Variants in THSD7B observed in about 807,000 individuals in gnomAD.
The protein encoded by THSD7B is thrombospondin type 1 domain containing 7B, also known as thrombospondin type-1 domain-containing protein 7B.
In THSD7B, 138 loss-of-function variants were observed where a neutral mutation model predicts 213.6. The observed-to-expected ratio is 0.65, with a 90% confidence interval of 0.56 to 0.74. The LOEUF is 0.74. Among genes scored for constraint, THSD7B ranks in the 30% least tolerant of loss-of-function variants. THSD7B has a pLI of 0.00. For synonymous variants in THSD7B, 742 were observed against 687.0 expected (o/e 1.08, Z -1.25); for missense variants, 1,931 against 1,991.5 (o/e 0.97, Z 0.58).
chr2:137,067,911 C>A (rs777810463), intron 3 of THSD7B, among the ~76,000 whole-genome samples: 1 of 152,040 alleles, frequency 6.6e-6, no homozygotes, highest in Non-Finnish European at 1.5e-5. Context: ...GGTATACTCA[C>A]AAAAGTATAG....
At chr2:137,225,170 C>A (rs987526098) in intron 7 of THSD7B, among the ~76,000 whole-genome samples, 1 of 152,168 alleles carries the variant, frequency 6.6e-6, no homozygotes, top group Non-Finnish European at 1.5e-5. Flanking sequence ...TTTGCTGAAT[C>A]TCCCTACTTG....
At chr2:137,463,311 A>G (rs999177001) in intron 15 of THSD7B, among the ~76,000 whole-genome samples, 2 of 152,252 alleles carry the variant, frequency 1.3e-5, no homozygotes, top group South Asian at 4.1e-4. Context: ...AATTGGTCCA[A>G]AATTTTATAT....
At chr2:137,477,278 C>G (rs1190106189) in intron 15 of THSD7B, among the ~76,000 whole-genome samples, 1 of 152,058 alleles carries the variant, frequency 6.6e-6, no homozygotes, top group African/African-American at 2.4e-5. Flanking sequence ...TTTCTTTCTT[C>G]TTACTGGTTT....
intron 12 of THSD7B, among the ~76,000 whole-genome samples, chr2:137,347,260 T>A (rs1573974579): frequency 1.3e-5 from 2 of 151,842 alleles, no homozygotes; most frequent in African/African-American, 4.8e-5. Flanking sequence ...GAGATGAAGG[T>A]TGATATAGAC....
intron 2 of THSD7B, among the ~76,000 whole-genome samples, chr2:136,988,498 G>T (rs1685707092): frequency 6.6e-6 from 1 of 152,168 alleles, no homozygotes; most frequent in Admixed American, 6.5e-5. Flanking sequence ...GTGATCTTGG[G>T]TGATCTTACT....
intron 2 of THSD7B, among the ~76,000 whole-genome samples, chr2:136,912,327 A>AAG (rs1287290018): frequency 7.2e-6 from 1 of 139,150 alleles, no homozygotes; most frequent in Non-Finnish European, 1.6e-5. Context: ...ATCTCAAAAA[A>AAG]AAAAAAAAAA....
intron 1 of THSD7B, among the ~76,000 whole-genome samples, chr2:136,819,628 C>G (rs1382655267): frequency 6.6e-6 from 1 of 152,126 alleles, no homozygotes; most frequent in Non-Finnish European, 1.5e-5. Flanking sequence ...TCTGAGCCAC[C>G]ACCTGGAGGA....
intron 1 of THSD7B, among the ~76,000 whole-genome samples, chr2:136,808,568 T>C (rs969097223): frequency 1.1e-4 from 16 of 152,204 alleles, no homozygotes; most frequent in Middle Eastern, 3.2e-3. Context: ...GTGGGACATA[T>C]GTTTTCAATC....
In THSD7B at chr2:137,554,174, C is replaced by T. The variant is rs186754980; in HGVS notation, c.3139-9047C>T. On this transcript the variant is annotated intron_variant, in intron 15 of 27. Transcript: ENST00000409968. ...TCATCCTTTGTGCTTTCTAAAATAT[C>T]CCTTACTCATTTCATGGAGTGGGAC... Among the ~76,000 whole-genome samples the T allele has an allele frequency of 1.1e-3, 165 of 152,164 alleles. 1 individual carries two copies. The highest frequency in any genetic ancestry group is 3.9e-3 in the African/African-American group (161 of 41,508).
intron 12 of THSD7B, among the ~76,000 whole-genome samples, chr2:137,393,685 A>T (rs1192849352): frequency 2.1e-5 from 3 of 141,558 alleles, no homozygotes; most frequent in Non-Finnish European, 4.7e-5. Context: ...CAGTAATGGG[A>T]TGGCTGGGTC....
At chr2:137,360,927 A>G (rs762701031) in intron 12 of THSD7B, among the ~76,000 whole-genome samples, 37 of 152,198 alleles carry the variant, frequency 2.4e-4, no homozygotes, top group Non-Finnish European at 4.9e-4. Flanking sequence ...AGCCCTGTGT[A>G]GCTTAACTTG....
At chr2:137,575,216 A>G (rs1326110788) in intron 17 of THSD7B, among the ~76,000 whole-genome samples, 2 of 152,066 alleles carry the variant, frequency 1.3e-5, no homozygotes, top group African/African-American at 2.4e-5. Context: ...TATAATATGT[A>G]TAAAATAAAT....
At chr2:137,033,197 T>G (rs929474561) in intron 2 of THSD7B, among the ~76,000 whole-genome samples, 4 of 152,240 alleles carry the variant, frequency 2.6e-5, no homozygotes, top group Non-Finnish European at 4.4e-5. Context: ...CTGCTGATAC[T>G]GGCTAGACCT....
Position 137,481,394 on chromosome 2 carries a change from T to C in THSD7B, c.3138+30371T>C, listed in dbSNP as rs887752028. On this transcript the variant is annotated intron_variant, in intron 15 of 27. Coordinates refer to ENST00000409968, the MANE Select transcript of THSD7B (RefSeq NM_001316349.2). ...CAGTTGTAAAATTCTGTCTGGGCATTAGATAAGGTTATTAGTTAGACACTT... is the reference window on the plus strand; with the variant it reads ...CAGTTGTAAAATTCTGTCTGGGCATCAGATAAGGTTATTAGTTAGACACTT... Among the ~76,000 whole-genome samples the C allele has an allele frequency of 4.6e-5, 7 of 152,364 alleles. No individual in the cohort carries two copies. The East Asian group carries it at 1.3e-3, about 29-fold the overall frequency.
rs1558842425 is a variant in THSD7B at position 137,567,170 on chromosome 2, ATTTTATTTT to A, written c.3272+3817_3272+3825del. On this transcript the variant is annotated intron_variant, in intron 16 of 27. Transcript: ENST00000409968. ...ATTTTATTTTATTTTATTTTATTTT[ATTTTATTTT>A]ATTTTTTGAGACTGAGTCTTGATCT... Among the ~76,000 whole-genome samples the A allele has an allele frequency of 3.3e-5, 5 of 150,542 alleles. No homozygotes were observed. The East Asian group carries it at 9.7e-4, about 29-fold the overall frequency.
intron 17 of THSD7B, among the ~76,000 whole-genome samples, chr2:137,608,368 T>C (rs1682226848): frequency 6.6e-6 from 1 of 152,166 alleles, no homozygotes; most frequent in Admixed American, 6.5e-5. Flanking sequence ...TGGTGCTTTT[T>C]TTTTTTTTAA....
intron 3 of THSD7B, among the ~76,000 whole-genome samples, chr2:137,061,659 A>G (rs1403936610): frequency 1.3e-5 from 2 of 151,814 alleles, no homozygotes; most frequent in Non-Finnish European, 3.0e-5. Context: ...GTTATGGATT[A>G]CATTAATTGA....
intron 21 of THSD7B, among the ~76,000 whole-genome samples, chr2:137,643,378 T>A (rs576723479): frequency 4.6e-5 from 7 of 152,348 alleles, no homozygotes; most frequent in African/African-American, 1.7e-4. Context: ...CTGCAGAGTA[T>A]TCTCATAGAG....
At chr2:137,673,930 C>T (rs1683638756) in intron 27 of THSD7B, among the ~76,000 whole-genome samples, 1 of 152,186 alleles carries the variant, frequency 6.6e-6, no homozygotes, top group African/African-American at 2.4e-5. Context: ...CAATGATCCC[C>T]AGCACACCAC....
Sources: allele counts gnomAD v4.1 joint callset (sites outside exome capture counted in the v4.1 genomes callset), GRCh38; gene constraint gnomAD v4.1.1; transcripts MANE v1.5; gene names NCBI Gene and HGNC (gene_info 2026-07-23, HGNC 2026-07-21).